CDH13: variants seen among roughly 807,000 people sequenced by gnomAD.
The protein encoded by CDH13 is cadherin 13, also known as cadherin-13.
A neutral mutation model predicts 63.8 loss-of-function variants in CDH13; 24 were observed. The ratio of observed to expected loss-of-function variants is 0.38; its 90% CI spans 0.27 to 0.53. The LOEUF is 0.53. CDH13 is among the 20% of genes least tolerant of loss of function. The pLI is 0.85. For missense variants in CDH13, 1,049 were observed against 903.1 expected, an observed-to-expected ratio of 1.16 and a Z score of -2.07; for synonymous variants, 503 against 355.3, an observed-to-expected ratio of 1.42 and a Z score of -4.67.
At position 83,475,104 on chromosome 16, in the gene CDH13, T is replaced by C. The variant is rs374991687; in HGVS notation, c.782-11373T>C. Among the ~76,000 whole-genome samples the C allele has an allele frequency of 8.5e-5, 13 of 152,302 alleles. 1 individual carries two copies. In the South Asian group the frequency reaches 2.5e-3, roughly 29 times the overall value. On this transcript the variant is annotated intron_variant, in intron 6 of 13. Coordinates refer to ENST00000567109, the MANE Select transcript of CDH13 (RefSeq NM_001257.5). ...GCAGAGCCCATTGTAAAATGAAAAC[T>C]CAGGGTCCCTTGTTCAACAACAATT...
intron 8 of CDH13, among the ~76,000 whole-genome samples, chr16:83,657,425 G>A (rs1912965509): frequency 1.3e-5 from 2 of 152,180 alleles, no homozygotes; most frequent in African/African-American, 4.8e-5. Context: ...TTCATGAGTA[G>A]GCAGAATCCC....
chr16:83,487,807 A>T (rs1043452187), intron 7 of CDH13, among the ~76,000 whole-genome samples: 3 of 152,144 alleles, frequency 2.0e-5, no homozygotes, highest in Non-Finnish European at 2.9e-5. Context: ...TGATGAAATA[A>T]ATCCATGGTT....
intron 2 of CDH13, among the ~76,000 whole-genome samples, chr16:82,871,433 A>G (rs1043886758): frequency 1.1e-4 from 17 of 152,154 alleles, no homozygotes; most frequent in African/African-American, 4.1e-4. Flanking sequence ...ATTGGGGAGC[A>G]CTTGAACATG....
intron 3 of CDH13, among the ~76,000 whole-genome samples, chr16:83,091,716 A>G (rs2033922007): frequency 6.6e-6 from 1 of 152,186 alleles, no homozygotes; most frequent in Non-Finnish European, 1.5e-5. Context: ...TAGGGTATTC[A>G]CTTCATAAGG....
At chr16:82,627,557 C>T (rs1907475892) in intron 1 of CDH13, among the ~76,000 whole-genome samples, 1 of 152,132 alleles carries the variant, frequency 6.6e-6, no homozygotes, top group Admixed American at 6.5e-5. Flanking sequence ...AGCCCAACGC[C>T]CAGCGGCCGA....
intron 8 of CDH13, among the ~76,000 whole-genome samples, chr16:83,612,896 A>G (rs1908978135): frequency 6.6e-6 from 1 of 152,030 alleles, no homozygotes; most frequent in Non-Finnish European, 1.5e-5. Context: ...TTGTATTATT[A>G]TTTATTTATC....
At chr16:82,776,356 G>A (rs533992670) in intron 1 of CDH13, among the ~76,000 whole-genome samples, 1 of 152,152 alleles carries the variant, frequency 6.6e-6, no homozygotes, top group African/African-American at 2.4e-5. Context: ...GCTTTTGTGA[G>A]ACTATCAAGG....
intron 1 of CDH13, among the ~76,000 whole-genome samples, chr16:82,721,202 A>T (rs941532335): frequency 6.6e-6 from 1 of 152,200 alleles, no homozygotes; most frequent in East Asian, 1.9e-4. Context: ...ATCAAAAAGC[A>T]TAAGACATTG....
At chr16:83,194,160 C>T (rs549008970) in intron 4 of CDH13, among the ~76,000 whole-genome samples, 1 of 152,286 alleles carries the variant, frequency 6.6e-6, no homozygotes, top group South Asian at 2.1e-4. Context: ...ATAGTGTGAC[C>T]TACAGATAGC....
intron 3 of CDH13, among the ~76,000 whole-genome samples, chr16:83,079,187 G>T (rs2033063661): frequency 6.6e-6 from 1 of 152,178 alleles, no homozygotes; most frequent in Non-Finnish European, 1.5e-5. Context: ...TTCTACAGGA[G>T]AATTGGTCAA....
In CDH13 at chr16:83,670,976, A is replaced by G. The variant is rs1567503189; in HGVS notation, c.1284+4A>G. Reference sequence around the variant, plus strand: ...AGGGATGCTTTCTGTTGTCAAAGTAAGGGTGCTTCCAATTGCCTCTTTCTC... The same window carrying G: ...AGGGATGCTTTCTGTTGTCAAAGTAGGGGTGCTTCCAATTGCCTCTTTCTC... On this transcript the variant is annotated splice_donor_region_variant and intron_variant, in intron 9 of 13. Transcript: ENST00000567109. The G allele has an allele frequency of 6.3e-7, 1 of 1,580,394 alleles. No homozygotes were observed. The highest frequency in any genetic ancestry group is 2.3e-5 in the East Asian group (1 of 44,436).
chr16:83,626,543 C>G (rs1173302391), intron 8 of CDH13, among the ~76,000 whole-genome samples: 1 of 152,116 alleles, frequency 6.6e-6, no homozygotes, highest in Non-Finnish European at 1.5e-5. Context: ...GTTTCCAAAC[C>G]TGGACTGGGT....
intron 2 of CDH13, chr16:82,858,753 C>T (rs926793074): frequency 1.8e-6 from 1 of 563,030 alleles, no homozygotes; most frequent in Non-Finnish European, 3.2e-6. Context: ...GAGAGTTGTA[C>T]ACTGTGCAAA....
intron 5 of CDH13, among the ~76,000 whole-genome samples, chr16:83,262,085 C>T (rs1395439476): frequency 6.6e-6 from 1 of 152,158 alleles, no homozygotes; most frequent in Non-Finnish European, 1.5e-5. Context: ...TGATTAATAG[C>T]CGTGGAGTTT....
chr16:83,653,589 C>G (rs1278164281), intron 8 of CDH13, among the ~76,000 whole-genome samples: 1 of 152,142 alleles, frequency 6.6e-6, no homozygotes, highest in Non-Finnish European at 1.5e-5. Flanking sequence ...ATATCATCAG[C>G]ACTCTAGCAT....
intron 1 of CDH13, among the ~76,000 whole-genome samples, chr16:82,786,862 C>T (rs541121433): frequency 6.6e-6 from 1 of 152,162 alleles, no homozygotes; most frequent in African/African-American, 2.4e-5. Flanking sequence ...GCATAGTATT[C>T]CATGGTGTGT....
rs78463778 is a variant in CDH13, at chr16:83,197,314, C to A, written c.484-20031C>A. 1.7e-3 allele frequency among the ~76,000 whole-genome samples: 262 copies of A among 151,966 alleles called. 1 individual carries two copies. The highest frequency in any genetic ancestry group is 6.1e-3 in the African/African-American group (254 of 41,398). On this transcript the variant is annotated intron_variant, in intron 4 of 13. Coordinates refer to ENST00000567109, the MANE Select transcript of CDH13 (RefSeq NM_001257.5). Reference sequence around the variant, plus strand: ...ATGCATGGGGTACATTAGATACAGACATCCATTGTGTAATAATCACATCAT... The same window carrying A: ...ATGCATGGGGTACATTAGATACAGAAATCCATTGTGTAATAATCACATCAT...
intron 7 of CDH13, among the ~76,000 whole-genome samples, chr16:83,592,418 C>G (rs1906846512): frequency 6.6e-6 from 1 of 152,136 alleles, no homozygotes; most frequent in South Asian, 2.1e-4. Flanking sequence ...GTTATTTGAG[C>G]CTAATAGACA....
chr16:83,697,436 G>A (rs984796103), intron 10 of CDH13, among the ~76,000 whole-genome samples: 1 of 152,242 alleles, frequency 6.6e-6, no homozygotes, highest in Non-Finnish European at 1.5e-5. Flanking sequence ...AGAAGGCTGC[G>A]CCATGCCTTA....
Sources: gnomAD v4.1 joint callset for allele counts (sites outside exome capture counted in the v4.1 genomes callset) on GRCh38, gnomAD v4.1.1 for gene constraint, MANE v1.5 for transcripts, NCBI Gene and HGNC (gene_info 2026-07-23, HGNC 2026-07-21) for gene names.